PDE1C: variants seen among roughly 807,000 people sequenced by gnomAD.
PDE1C encodes the protein dual specificity calcium/calmodulin-dependent 3',5'-cyclic nucleotide phosphodiesterase 1C.
In PDE1C, 62 loss-of-function variants were observed where a neutral mutation model predicts 93.1. The observed-to-expected ratio is 0.67, with a 90% confidence interval of 0.54 to 0.82. PDE1C has a LOEUF of 0.82. PDE1C is among the 40% of genes least tolerant of loss of function. The pLI is 0.00. For synonymous variants in PDE1C, 325 were observed against 310.1 expected (o/e 1.05, Z -0.50); for missense variants, 742 against 884.6 (o/e 0.84, Z 2.04).
chr7:31,954,518 GC>G (rs1385666026), intron 2 of PDE1C, among the ~76,000 whole-genome samples: 1 of 152,116 alleles, frequency 6.6e-6, no homozygotes, highest in African/African-American at 2.4e-5. Context: ...ATTTTGATGT[GC>G]TTTTTAATGG....
chr7:32,072,998 G>T (rs1257366151), upstream of PDE1C, among the ~76,000 whole-genome samples: 2 of 152,200 alleles, frequency 1.3e-5, no homozygotes, highest in East Asian at 3.8e-4. Context: ...GACGAATAAT[G>T]CTGAATTCAC....
intron 1 of PDE1C, among the ~76,000 whole-genome samples, chr7:32,322,717 A>G (rs1783322895): frequency 6.6e-6 from 1 of 151,770 alleles, no homozygotes; most frequent in Admixed American, 6.6e-5. Context: ...CCTGGGTTTA[A>G]GCAATTTCCT....
chr7:31,657,817 A>G, the PDE1C span, among the ~76,000 whole-genome samples: 177 of 152,330 alleles, frequency 1.2e-3, no homozygotes, highest in Admixed American at 2.9e-3. Flanking sequence ...TCATTATGAG[A>G]CCAAACTCAA....
At chr7:32,045,038 A>C (rs1212342919) in intron 2 of PDE1C, among the ~76,000 whole-genome samples, 3 of 151,272 alleles carry the variant, frequency 2.0e-5, no homozygotes, top group Non-Finnish European at 3.0e-5. Flanking sequence ...CTAGATCCCT[A>C]CACCTGTGCC....
intron 1 of PDE1C, among the ~76,000 whole-genome samples, chr7:32,340,204 G>C (rs984748833): frequency 2.6e-5 from 4 of 152,102 alleles, no homozygotes; most frequent in African/African-American, 9.7e-5. Context: ...TTCAGAGGTG[G>C]GGCAGTTATC....
At chr7:32,238,014 C>A (rs1336464879) in intron 1 of PDE1C, among the ~76,000 whole-genome samples, 1 of 151,964 alleles carries the variant, frequency 6.6e-6, no homozygotes, top group Non-Finnish European at 1.5e-5. Flanking sequence ...AGGTGATCCG[C>A]CCACCTCGGC....
intron 1 of PDE1C, among the ~76,000 whole-genome samples, chr7:32,345,838 A>T (rs567181706): frequency 1.3e-5 from 2 of 152,370 alleles, no homozygotes; most frequent in African/African-American, 4.8e-5. Flanking sequence ...ATCATCAAAA[A>T]GATAATAACA....
chr7:32,176,296 A>G (rs1802983114), intron 2 of PDE1C, among the ~76,000 whole-genome samples: 1 of 152,182 alleles, frequency 6.6e-6, no homozygotes, highest in Non-Finnish European at 1.5e-5. Flanking sequence ...TAAGTGAAAA[A>G]AAAACCGCAT....
chr7:31,836,312 T>C (rs1243306413), intron 11 of PDE1C, among the ~76,000 whole-genome samples: 1 of 151,056 alleles, frequency 6.6e-6, no homozygotes, highest in Non-Finnish European at 1.5e-5. Context: ...TTAAACAATT[T>C]ATAATAATTA....
At chr7:32,032,094 T>A (rs981858875) in intron 2 of PDE1C, among the ~76,000 whole-genome samples, 1 of 151,990 alleles carries the variant, frequency 6.6e-6, no homozygotes, top group Non-Finnish European at 1.5e-5. Context: ...TACAATAAAG[T>A]CAAAAGAGTA....
intron 7 of PDE1C, among the ~76,000 whole-genome samples, chr7:31,858,594 A>G (rs2128819763): frequency 6.6e-6 from 1 of 152,260 alleles, no homozygotes; most frequent in Middle Eastern, 3.4e-3. Context: ...GCATTCTCCC[A>G]CTAATATGTT....
chr7:32,192,827 C>G (rs1804328413), intron 2 of PDE1C, among the ~76,000 whole-genome samples: 1 of 152,104 alleles, frequency 6.6e-6, no homozygotes, highest in Admixed American at 6.5e-5. Flanking sequence ...GTATGCATCT[C>G]CACTTATTTA....
chr7:31,824,207 T>C (rs1789364714), intron 13 of PDE1C, among the ~76,000 whole-genome samples: 1 of 152,166 alleles, frequency 6.6e-6, no homozygotes, highest in African/African-American at 2.4e-5. Flanking sequence ...ATAGTAGTAG[T>C]ATATCTAATA....
At position 31,964,044 on chromosome 7, in the gene PDE1C, G is replaced by T. The variant is rs554750678; in HGVS notation, c.129-83184C>A. On this transcript the variant is annotated intron_variant, in intron 2 of 17. Transcript: ENST00000396191. ...TCCCAGTGTGAGCGATAAAGAAGAC[G>T]GGTGATTTCTGCATTTCCAACTGAG... 2.6e-5 allele frequency among the ~76,000 whole-genome samples: 4 copies of T among 152,356 alleles called. No individual in the cohort carries two copies. The East Asian group carries it at 5.8e-4, about 22-fold the overall frequency.
intron 1 of PDE1C, among the ~76,000 whole-genome samples, chr7:32,271,009 GAGC>G (rs1181299071): frequency 2.0e-5 from 3 of 152,102 alleles, no homozygotes; most frequent in African/African-American, 7.2e-5. Context: ...ATGGTGACGG[GAGC>G]CTGTAATCCC....
intron 1 of PDE1C, among the ~76,000 whole-genome samples, chr7:32,364,358 G>A (rs1784190269): frequency 6.6e-6 from 1 of 152,178 alleles, no homozygotes; most frequent in Non-Finnish European, 1.5e-5. Flanking sequence ...TTTGACAGGA[G>A]CGCCAGGAGG....
At chr7:32,135,998 C>A (rs1463698182) in intron 3 of PDE1C, among the ~76,000 whole-genome samples, 1 of 152,134 alleles carries the variant, frequency 6.6e-6, no homozygotes, top group Non-Finnish European at 1.5e-5. Flanking sequence ...GAAGACTATG[C>A]TAAGTGAAAT....
At chr7:31,733,428 T>C in the PDE1C span, among the ~76,000 whole-genome samples, 2 of 152,172 alleles carry the variant, frequency 1.3e-5, no homozygotes, top group African/African-American at 4.8e-5. Flanking sequence ...CTGATGCTCC[T>C]ATTTATCTCA....
intron 16 of PDE1C, among the ~76,000 whole-genome samples, chr7:31,804,318 T>C (rs904643694): frequency 2.6e-5 from 4 of 151,872 alleles, no homozygotes; most frequent in Admixed American, 2.0e-4. Context: ...AATAATGAGA[T>C]ATATAAATCT....
Sources: allele counts gnomAD v4.1 joint callset (sites outside exome capture counted in the v4.1 genomes callset), GRCh38; gene constraint gnomAD v4.1.1; transcripts MANE v1.5; gene names NCBI Gene and HGNC (gene_info 2026-07-23, HGNC 2026-07-21).